Variants in LARGE1 observed in about 807,000 individuals in gnomAD.
LARGE1 encodes xylosyl- and glucuronyltransferase LARGE1.
LARGE1 carries 43 observed loss-of-function variants against 87.6 expected under a neutral mutation model. That is an observed-to-expected ratio of 0.49 (90% CI 0.38 to 0.63). The LOEUF (loss-of-function observed/expected upper bound fraction) is 0.63. Among genes scored for constraint, LARGE1 ranks in the 30% least tolerant of loss-of-function variants. The pLI is 0.00. For synonymous variants in LARGE1, 434 were observed against 394.6 expected (o/e 1.10, Z -1.18); for missense variants, 802 against 1,000.2 (o/e 0.80, Z 2.67).
intron 5 of LARGE1, among the ~76,000 whole-genome samples, chr22:33,568,693 G>A (rs1306285560): frequency 7.0e-6 from 1 of 142,810 alleles, no homozygotes; most frequent in South Asian, 2.2e-4. Flanking sequence ...TTGAACCTAG[G>A]AAGCGGAAGT....
chr22:33,709,955 C>T (rs1446554801), intron 2 of LARGE1, among the ~76,000 whole-genome samples: 1 of 145,884 alleles, frequency 6.9e-6, no homozygotes, highest in Non-Finnish European at 1.5e-5. Context: ...GTACTTTCCT[C>T]TCTCATCAGA....
chr22:33,714,594 G>A (rs8140338), intron 2 of LARGE1, among the ~76,000 whole-genome samples: 17,992 of 152,182 alleles, frequency 0.12, 1,583 homozygotes, highest in African/African-American at 0.24. Context: ...TCAATTGAAG[G>A]AAGGAAAAAC....
intron 9 of LARGE1, among the ~76,000 whole-genome samples, chr22:33,354,392 T>C (rs187739229): frequency 1.3e-5 from 2 of 152,328 alleles, no homozygotes; most frequent in East Asian, 1.9e-4. Flanking sequence ...GTTGATAAGT[T>C]CTTGGAGGCT....
intron 2 of LARGE1, among the ~76,000 whole-genome samples, chr22:33,716,517 C>T (rs888927248): frequency 6.6e-6 from 1 of 152,176 alleles, no homozygotes; most frequent in Non-Finnish European, 1.5e-5. Context: ...ATCCTTCTAC[C>T]TCCTGAGTAG....
chr22:33,582,090 C>T (rs2097310), intron 5 of LARGE1, among the ~76,000 whole-genome samples: 67,706 of 151,994 alleles, frequency 0.45, 15,258 homozygotes, highest in Middle Eastern at 0.53. Context: ...CAAAGGACCC[C>T]TGGCAATACT....
chr22:33,333,013 C>CTTTTTTTTT (rs113084979), intron 10 of LARGE1, among the ~76,000 whole-genome samples: 1 of 140,524 alleles, frequency 7.1e-6, no homozygotes, highest in African/African-American at 2.8e-5. Flanking sequence ...GGGCAATGTC[C>CTTTTTTTTT]TTTTTTTTTT....
intron 2 of LARGE1, among the ~76,000 whole-genome samples, chr22:33,720,961 A>T (rs1313458360): frequency 6.6e-6 from 1 of 152,188 alleles, no homozygotes; most frequent in Admixed American, 6.5e-5. Flanking sequence ...TGGGTGGGTA[A>T]TTTTTGGGGT....
At chr22:33,306,351 T>C (rs1045749196) in intron 11 of LARGE1, among the ~76,000 whole-genome samples, 8 of 152,124 alleles carry the variant, frequency 5.3e-5, no homozygotes, top group East Asian at 1.9e-4. Context: ...CCTCTGAGAA[T>C]TGGAGAGCAA....
intron 13 of LARGE1, 110 bp from the exon 14 acceptor site, chr22:33,277,365 TTGAACTG>T (rs1929535188): frequency 9.8e-7 from 1 of 1,017,422 alleles, no homozygotes; most frequent in Non-Finnish European, 1.5e-6. Flanking sequence ...CTCGGGTGAG[TTGAACTG>T]TCTCCCTCCC....
intron 11 of LARGE1, among the ~76,000 whole-genome samples, chr22:33,251,386 A>G (rs1927004853): frequency 6.6e-6 from 1 of 152,050 alleles, no homozygotes; most frequent in South Asian, 2.1e-4. Flanking sequence ...TGGAGAAGAA[A>G]TTGGGTATGC....
chr22:33,698,367 C>G (rs1351880113), intron 2 of LARGE1, among the ~76,000 whole-genome samples: 10 of 151,062 alleles, frequency 6.6e-5, no homozygotes, highest in South Asian at 2.1e-4. Context: ...GTGGTGTGAT[C>G]TCTGCTCACT....
intron 11 of LARGE1, among the ~76,000 whole-genome samples, chr22:33,265,554 C>T (rs988062714): frequency 6.6e-6 from 1 of 152,176 alleles, no homozygotes; most frequent in African/African-American, 2.4e-5. Flanking sequence ...GCACCCTTCT[C>T]CCAAGCTCCC....
intron 6 of LARGE1, among the ~76,000 whole-genome samples, chr22:33,522,330 T>C (rs763857634): frequency 3.9e-5 from 6 of 152,226 alleles, no homozygotes; most frequent in Non-Finnish European, 8.8e-5. Context: ...TCACAGGGGA[T>C]GTGCTCATTT....
chr22:33,439,872 G>C (rs2067406455), intron 6 of LARGE1, among the ~76,000 whole-genome samples: 1 of 152,162 alleles, frequency 6.6e-6, no homozygotes, highest in African/African-American at 2.4e-5. Context: ...ACCACAGCTA[G>C]AAGCCTTTTA....
chr22:33,855,716 C>G (rs1273405023), intron 1 of LARGE1, among the ~76,000 whole-genome samples: 1 of 152,144 alleles, frequency 6.6e-6, no homozygotes, highest in East Asian at 1.9e-4. Flanking sequence ...CGAAGTGGAG[C>G]AAATGAAACT....
At chr22:33,653,745 T>G (rs1341136958) in intron 2 of LARGE1, among the ~76,000 whole-genome samples, 1 of 152,142 alleles carries the variant, frequency 6.6e-6, no homozygotes, top group East Asian at 1.9e-4. Flanking sequence ...ATGATGTAAT[T>G]TAAGGTGTAA....
intron 4 of LARGE1, among the ~76,000 whole-genome samples, chr22:33,609,446 G>T (rs912058622): frequency 1.8e-4 from 27 of 152,208 alleles, no homozygotes; most frequent in Admixed American, 1.6e-3. Context: ...GGGTGAAAGA[G>T]ATGACATTTT....
At chr22:33,352,711 G>A (rs182553034) in intron 9 of LARGE1, among the ~76,000 whole-genome samples, 5 of 152,032 alleles carry the variant, frequency 3.3e-5, no homozygotes, top group African/African-American at 9.7e-5. Context: ...GCAGTGAGCT[G>A]AGATCACACC....
At chr22:33,359,970 A>C (rs963859478) in intron 9 of LARGE1, among the ~76,000 whole-genome samples, 4 of 149,332 alleles carry the variant, frequency 2.7e-5, no homozygotes, top group Admixed American at 6.6e-5. Context: ...TATGGGACCA[A>C]AGTCCTGAGT....
Sources: allele counts gnomAD v4.1 joint callset (sites outside exome capture counted in the v4.1 genomes callset), GRCh38; gene constraint gnomAD v4.1.1; transcripts MANE v1.5; gene names NCBI Gene and HGNC (gene_info 2026-07-23, HGNC 2026-07-21).